Variants in ODF2L observed in about 807,000 individuals in gnomAD.
ODF2L encodes the protein protein BCAP.
Under a neutral mutation model 86.3 loss-of-function variants are expected in ODF2L, and 76 were observed. The ratio of observed to expected loss-of-function variants is 0.88; its 90% CI spans 0.73 to 1.07. ODF2L has a LOEUF of 1.07. Ranked by LOEUF, ODF2L falls within the 50% of genes least tolerant of loss-of-function variation. ODF2L has a pLI of 0.00. For synonymous variants in ODF2L, 241 were observed against 231.3 expected, an observed-to-expected ratio of 1.04 and a Z score of -0.38; for missense variants, 748 against 717.4, an observed-to-expected ratio of 1.04 and a Z score of -0.49.
At chr1:86,362,094 A>AAAC (rs1659078068) in intron 11 of ODF2L, among the ~76,000 whole-genome samples, 2 of 152,246 alleles carry the variant, frequency 1.3e-5, no homozygotes, top group Middle Eastern at 6.8e-3. Flanking sequence ...AGTTAGGGGA[A>AAAC]AACAACAAGA....
intron 4 of ODF2L, among the ~76,000 whole-genome samples, chr1:86,383,535 A>G (rs911140235): frequency 6.6e-6 from 1 of 151,774 alleles, no homozygotes; most frequent in African/African-American, 2.4e-5. Flanking sequence ...ATAGGCAAAA[A>G]TTATCAACAA....
intron 13 of ODF2L, chr1:86,357,516 G>C (rs1464033031): frequency 6.0e-6 from 1 of 165,420 alleles, no homozygotes; most frequent in Admixed American, 6.5e-5. Flanking sequence ...TGCTTACTAC[G>C]TGCTAGGCAT....
At chr1:86,376,252 G>A (rs777958861) in exon 8 of ODF2L, 1 of 1,608,678 alleles carries the variant, frequency 6.2e-7, no homozygotes, top group East Asian at 2.2e-5. Flanking sequence ...AATTTGGGAA[G>A]TAAGCTTTTC....
At chr1:86,392,612 G>A (rs1036391589) in intron 1 of ODF2L, among the ~76,000 whole-genome samples, 5 of 152,160 alleles carry the variant, frequency 3.3e-5, no homozygotes, top group African/African-American at 1.2e-4. Context: ...GCTAAGCTAT[G>A]AGGATGCAAA....
intron 13 of ODF2L, 143 bp from the exon 13 acceptor site, chr1:86,356,745 A>G (rs1290458341): frequency 3.3e-6 from 2 of 614,092 alleles, no homozygotes; most frequent in Admixed American, 3.8e-5. Flanking sequence ...ATAAATATTA[A>G]ACTCTGTTAA....
chr1:86,384,685 GTCTC>G lies in ODF2L; in HGVS notation c.359_362del (p.Arg120ThrfsTer14). The G allele has an allele frequency of 2.7e-6, 4 of 1,475,640 alleles. No individual in the cohort carries two copies. The highest frequency in any genetic ancestry group is 2.7e-6 in the Non-Finnish European group (3 of 1,112,170). The allele number at this position is 1,475,640 out of a possible 1,614,324, so 91.4% of individuals were successfully genotyped here. ...AGTGTTGATGCCTTACTTGTTTGTA[GTCTC>G]TCTTTCTAAGAAGATGTTCTAAAGC... On this transcript the variant is annotated frameshift_variant, in exon 4 of 18. Coordinates refer to ENST00000317336, the Ensembl canonical transcript of ODF2L. LOFTEE classifies it high-confidence loss of function.
exon 9 of ODF2L, chr1:86,372,472 T>C: frequency 6.6e-7 from 1 of 1,523,876 alleles, no homozygotes; most frequent in Non-Finnish European, 8.8e-7. Context: ...CGGTTTTTTC[T>C]ATCACAATTT....
intron 2 of ODF2L, 146 bp from the exon 3 acceptor site, chr1:86,385,736 T>C (rs1570431506): frequency 3.8e-6 from 2 of 522,920 alleles, no homozygotes; most frequent in East Asian, 6.1e-5. Flanking sequence ...ACTTTGAGTG[T>C]AAGCAAATTT....
chr1:86,382,155 C>T, intron 7 of ODF2L, 87 bp downstream of exon 7: 1 of 1,411,888 alleles, frequency 7.1e-7, no homozygotes, highest in Non-Finnish European at 9.2e-7. Flanking sequence ...TTTAAAACCA[C>T]CAAATTCTAG....
chr1:86,389,628 A>G (rs901457240), intron 1 of ODF2L, among the ~76,000 whole-genome samples: 7 of 136,286 alleles, frequency 5.1e-5, no homozygotes, highest in Admixed American at 4.3e-4. Context: ...AGATAAATAA[A>G]ACTGACAGAA....
chr1:86,358,422 T>C (rs970913479), intron 13 of ODF2L: 1 of 153,096 alleles, frequency 6.5e-6, no homozygotes, highest in Non-Finnish European at 1.5e-5. Context: ...TTTGCTTTTG[T>C]AGACGTAAAA....
chr1:86,354,771 T>TA lies in ODF2L; in HGVS notation c.1604+2dup, dbSNP rs1157800916. On this transcript the variant is annotated splice_region_variant and intron_variant, in intron 15 of 17. Coordinates refer to ENST00000317336, the Ensembl canonical transcript of ODF2L. ...CAGCAATGTTAAGTAATTTAATACT[T>TA]ACTGTTGAAGGTTTTCACACTTCAG... 1 of 1,574,392 alleles carries TA rather than the reference T, an allele frequency of 6.4e-7. No homozygotes were observed. The highest frequency in any genetic ancestry group is 8.7e-7 in the Non-Finnish European group (1 of 1,145,862).
At chr1:86,361,217 G>T (rs1469972700) in intron 11 of ODF2L, among the ~76,000 whole-genome samples, 4 of 152,122 alleles carry the variant, frequency 2.6e-5, no homozygotes, top group African/African-American at 9.7e-5. Flanking sequence ...AGAGACAGGG[G>T]ACTTATTACT....
chr1:86,365,445 A>G (rs1156719217), intron 11 of ODF2L, among the ~76,000 whole-genome samples: 1 of 152,166 alleles, frequency 6.6e-6, no homozygotes, highest in Non-Finnish European at 1.5e-5. Context: ...AGGGAGACAA[A>G]TTATACAAAC....
chr1:86,385,049 T>C (rs1450726239), intron 3 of ODF2L, among the ~76,000 whole-genome samples: 5 of 151,954 alleles, frequency 3.3e-5, no homozygotes, highest in Admixed American at 2.0e-4. Context: ...ATAAAAGTTA[T>C]AGAAGATAAT....
At chr1:86,377,203 A>C (rs1157413091) in intron 7 of ODF2L, among the ~76,000 whole-genome samples, 4 of 152,196 alleles carry the variant, frequency 2.6e-5, no homozygotes, top group African/African-American at 9.6e-5. Context: ...TTAAATCTTA[A>C]ATCTCCTAAA....
chr1:86,371,954 G>A (rs182443688), intron 9 of ODF2L, among the ~76,000 whole-genome samples: 5 of 152,168 alleles, frequency 3.3e-5, no homozygotes, highest in East Asian at 1.9e-4. Flanking sequence ...TTGGGAGGCC[G>A]AGGCAGGCGG....
chr1:86,391,924 G>A (rs1661360449), intron 1 of ODF2L, among the ~76,000 whole-genome samples: 1 of 152,132 alleles, frequency 6.6e-6, no homozygotes. Context: ...CCCACAGAGT[G>A]GGAGAAAATC....
chr1:86,368,889 A>G (rs1270329147), intron 10 of ODF2L, among the ~76,000 whole-genome samples: 3 of 152,144 alleles, frequency 2.0e-5, no homozygotes, highest in African/African-American at 7.2e-5. Flanking sequence ...GGATGCTTAT[A>G]AAGAATTTAT....
Sources: gnomAD v4.1 joint callset for allele counts (sites outside exome capture counted in the v4.1 genomes callset) on GRCh38, gnomAD v4.1.1 for gene constraint, MANE v1.5 for transcripts, NCBI Gene and HGNC (gene_info 2026-07-23, HGNC 2026-07-21) for gene names.